Variants in SNTG1 observed in about 807,000 individuals in gnomAD.
SNTG1 encodes syntrophin gamma 1.
In SNTG1, 39 loss-of-function variants were observed where a neutral mutation model predicts 74.7. The observed-to-expected ratio is 0.52, with a 90% CI of 0.40 to 0.68. The LOEUF is 0.68. Among genes scored for constraint, SNTG1 ranks in the 30% least tolerant of loss-of-function variants. The pLI, the probability that SNTG1 is intolerant of heterozygous loss-of-function variation, is 0.00. For missense variants in SNTG1, 685 were observed against 609.5 expected, an observed-to-expected ratio of 1.12 and a Z score of -1.30; for synonymous variants, 254 against 217.1, an observed-to-expected ratio of 1.17 and a Z score of -1.49.
At chr8:50,394,416 T>C in intron 3 of SNTG1, 151 bp downstream of exon 3, 1 of 713,546 alleles carries the variant, frequency 1.4e-6, no homozygotes, top group Non-Finnish European at 2.3e-6. Flanking sequence ...GTTCTCCTTC[T>C]GCAAAGATAG....
intron 18 of SNTG1, among the ~76,000 whole-genome samples, chr8:50,780,239 C>T (rs1445404888): frequency 6.6e-6 from 1 of 152,124 alleles, no homozygotes; most frequent in Non-Finnish European, 1.5e-5. Context: ...GGGAGGATTC[C>T]CTCTTTTTCT....
At chr8:50,523,934 T>C (rs2094200102) in intron 9 of SNTG1, among the ~76,000 whole-genome samples, 1 of 152,172 alleles carries the variant, frequency 6.6e-6, no homozygotes, top group East Asian at 1.9e-4. Context: ...AACCACTTTA[T>C]CTCTGTGGTT....
intron 2 of SNTG1, among the ~76,000 whole-genome samples, chr8:50,305,935 G>C (rs1330050353): frequency 1.3e-5 from 2 of 151,240 alleles, no homozygotes; most frequent in African/African-American, 4.9e-5. Flanking sequence ...ATAGCTTTGG[G>C]GGTACAAAGG....
rs75450468 is a variant in SNTG1 at position 50,712,518 on chromosome 8, T to C, written c.1284+3540T>C. ...TATTTTTTATTACACTTTAAGTTCT[T>C]GGATACATGTGCAAAACATGCATGT... On this transcript the variant is annotated intron_variant, in intron 17 of 18. Coordinates refer to ENST00000642720, the MANE Select transcript of SNTG1 (RefSeq NM_018967.5). 3.8e-3 allele frequency among the ~76,000 whole-genome samples: 580 copies of C among 152,290 alleles called. 5 individuals are homozygous for C. The highest frequency in any genetic ancestry group is 0.011 in the African/African-American group (467 of 41,566).
intron 5 of SNTG1, 94 bp from the exon 6 acceptor site, chr8:50,449,574 A>G: frequency 1.1e-6 from 1 of 870,230 alleles, no homozygotes; most frequent in Admixed American, 3.6e-5. Context: ...CCTAATATCC[A>G]CTTAACATTC....
At chr8:50,595,101 T>C (rs1267582580) in intron 13 of SNTG1, among the ~76,000 whole-genome samples, 1 of 151,930 alleles carries the variant, frequency 6.6e-6, no homozygotes, top group Non-Finnish European at 1.5e-5. Context: ...AATTGGTCTT[T>C]ATTTTTGGGG....
At chr8:50,789,511 C>T (rs533537679) in intron 18 of SNTG1, among the ~76,000 whole-genome samples, 295 of 152,086 alleles carry the variant, frequency 1.9e-3, no homozygotes, top group African/African-American at 6.6e-3. Context: ...TAAATCCACA[C>T]TAATATATGC....
intron 4 of SNTG1, among the ~76,000 whole-genome samples, chr8:50,421,057 G>GT (rs2093079055): frequency 1.8e-5 from 2 of 112,430 alleles, no homozygotes; most frequent in Non-Finnish European, 3.7e-5. Context: ...GGGGGAGGGG[G>GT]GGGCGAAGAT....
intron 1 of SNTG1, among the ~76,000 whole-genome samples, chr8:50,095,017 A>C (rs2079874296): frequency 6.6e-6 from 1 of 152,226 alleles, no homozygotes; most frequent in Admixed American, 6.5e-5. Context: ...ACATGGTTGC[A>C]GCTGGAGGAC....
At chr8:50,653,237 A>G (rs2095159462) in intron 13 of SNTG1, among the ~76,000 whole-genome samples, 3 of 152,058 alleles carry the variant, frequency 2.0e-5, no homozygotes, top group Admixed American at 6.6e-5. Flanking sequence ...TGAGGCCAGG[A>G]GTTCAAGACC....
chr8:50,259,519 AGAAAGAAAGAAAGAAAGAAAGAAAGAAAG>A (rs1563810389), intron 2 of SNTG1, among the ~76,000 whole-genome samples: 357 of 14,116 alleles, frequency 0.025, 67 homozygotes, highest in South Asian at 0.12. Context: ...AAAGAAAGAA[AGAAAGAAAGAAAGAAAGAAAGAAAGAAAG>A]AAAGAAAGAA....
At chr8:50,656,438 G>A (rs995023020) in intron 13 of SNTG1, among the ~76,000 whole-genome samples, 1 of 152,176 alleles carries the variant, frequency 6.6e-6, no homozygotes, top group Non-Finnish European at 1.5e-5. Context: ...ATCAGGCACA[G>A]AGGAGAAGTG....
In SNTG1 at chr8:50,121,826, A is replaced by G. The variant is rs773629796; in HGVS notation, c.-102-50735A>G. On this transcript the variant is annotated intron_variant, in intron 1 of 18. Coordinates refer to ENST00000642720, the MANE Select transcript of SNTG1 (RefSeq NM_018967.5). ...CATTGAGTTATGATAGCACCACTGCACTCCAGCCTGGGTGAAATAACGCAA... is the reference window on the plus strand; with the variant it reads ...CATTGAGTTATGATAGCACCACTGCGCTCCAGCCTGGGTGAAATAACGCAA... 2.1e-5 allele frequency among the ~76,000 whole-genome samples: 3 copies of G among 142,238 alleles called. 1 individual carries two copies. The highest frequency in any genetic ancestry group is 4.7e-5 in the Non-Finnish European group (3 of 63,864). 93.3% of individuals were successfully genotyped at this position (142,238 alleles called of 152,430 possible).
At chr8:50,156,991 C>G (rs573453751) in intron 1 of SNTG1, among the ~76,000 whole-genome samples, 1 of 152,114 alleles carries the variant, frequency 6.6e-6, no homozygotes, top group Admixed American at 6.5e-5. Context: ...TTTTTCATAT[C>G]TAAATTGAAA....
At chr8:50,080,779 G>GT (rs1822331707) in intron 1 of SNTG1, among the ~76,000 whole-genome samples, 1 of 152,048 alleles carries the variant, frequency 6.6e-6, no homozygotes, top group Non-Finnish European at 1.5e-5. Flanking sequence ...AACTAAGTCT[G>GT]TTTTTCAATA....
chr8:50,322,838 C>T (rs994329685), intron 2 of SNTG1, among the ~76,000 whole-genome samples: 3 of 151,814 alleles, frequency 2.0e-5, no homozygotes, highest in Non-Finnish European at 2.9e-5. Context: ...TTGCTGTGAC[C>T]AGGCAAAGTG....
chr8:50,170,452 C>G (rs531924942), intron 1 of SNTG1, among the ~76,000 whole-genome samples: 1 of 152,038 alleles, frequency 6.6e-6, no homozygotes, highest in East Asian at 1.9e-4. Flanking sequence ...ACATCTAATT[C>G]TGAACTCCTT....
Position 49,960,026 on chromosome 8 carries a change from T to A in SNTG1, c.-103+47795T>A, listed in dbSNP as rs139520543. On this transcript the variant is annotated intron_variant, in intron 1 of 18. Coordinates refer to ENST00000642720, the MANE Select transcript of SNTG1 (RefSeq NM_018967.5). ...TCAACAGTATAACTCAAAATTTGCTTGAGATTCAGTTCAGCATTCTTTTAC... is the reference window on the plus strand; with the variant it reads ...TCAACAGTATAACTCAAAATTTGCTAGAGATTCAGTTCAGCATTCTTTTAC... Among the ~76,000 whole-genome samples, 53 of 152,306 alleles carry A rather than the reference T, an allele frequency of 3.5e-4. No homozygotes were observed. In the East Asian group the frequency reaches 8.1e-3, roughly 23 times the overall value.
intron 2 of SNTG1, among the ~76,000 whole-genome samples, chr8:50,360,908 G>C (rs1429296498): frequency 6.6e-6 from 1 of 152,068 alleles, no homozygotes; most frequent in Non-Finnish European, 1.5e-5. Flanking sequence ...CACTACTGTA[G>C]ACTTTTAAAT....
Sources: gnomAD v4.1 joint callset for allele counts (sites outside exome capture counted in the v4.1 genomes callset) on GRCh38, gnomAD v4.1.1 for gene constraint, MANE v1.5 for transcripts, NCBI Gene and HGNC (gene_info 2026-07-23, HGNC 2026-07-21) for gene names.